The following UNC5D variants were observed in gnomAD, a reference collection of about 807,000 sequenced individuals.
UNC5D encodes the protein netrin receptor UNC5D.
A neutral mutation model predicts 105.4 loss-of-function variants in UNC5D; 39 were observed. The ratio of observed to expected loss-of-function variants is 0.37; its 90% CI spans 0.29 to 0.48. The LOEUF (loss-of-function observed/expected upper bound fraction) is 0.48. Ranked by LOEUF, UNC5D falls within the 20% of genes least tolerant of loss-of-function variation. The pLI, the probability that UNC5D is intolerant of heterozygous loss-of-function variation, is 0.98. For synonymous variants in UNC5D, 452 were observed against 450.4 expected, an observed-to-expected ratio of 1.00 and a Z score of -0.04; for missense variants, 991 against 1,202.4, an observed-to-expected ratio of 0.82 and a Z score of 2.60.
At chr8:35,477,140 A>C (rs1810159004) in intron 1 of UNC5D, among the ~76,000 whole-genome samples, 1 of 152,138 alleles carries the variant, frequency 6.6e-6, no homozygotes, top group South Asian at 2.1e-4. Context: ...TTGTGCTTTA[A>C]AGGTCATTTG....
At chr8:35,761,787 C>A (rs577253625) in intron 14 of UNC5D, among the ~76,000 whole-genome samples, 20 of 152,188 alleles carry the variant, frequency 1.3e-4, no homozygotes, top group Non-Finnish European at 2.6e-4. Flanking sequence ...TGTGTGAATG[C>A]ATATTGTGCT....
At chr8:35,789,727 T>C (rs1214541390) in intron 16 of UNC5D, among the ~76,000 whole-genome samples, 1 of 152,072 alleles carries the variant, frequency 6.6e-6, no homozygotes, top group Admixed American at 6.6e-5. Flanking sequence ...ATTTAGCATA[T>C]AAGCCCACTG....
At chr8:35,305,593 C>CTTTATTTCTTTCTTTCTTTCA (rs1381069195) in intron 1 of UNC5D, among the ~76,000 whole-genome samples, 8 of 142,014 alleles carry the variant, frequency 5.6e-5, no homozygotes, top group Admixed American at 1.4e-4. Flanking sequence ...TTCTTTCTTT[C>CTTTATTTCTTTCTTTCTTTCA]TTTCTTTCTT....
At chr8:35,439,158 C>T (rs1327980061) in intron 1 of UNC5D, among the ~76,000 whole-genome samples, 3 of 151,886 alleles carry the variant, frequency 2.0e-5, no homozygotes, top group Non-Finnish European at 4.4e-5. Flanking sequence ...CTGAAAAGTA[C>T]TTAAAATAGT....
chr8:35,336,012 A>C (rs1811008237), intron 1 of UNC5D, among the ~76,000 whole-genome samples: 1 of 152,056 alleles, frequency 6.6e-6, no homozygotes, highest in South Asian at 2.1e-4. Context: ...ATCCGCCTGC[A>C]TTAGCCTCCC....
intron 1 of UNC5D, among the ~76,000 whole-genome samples, chr8:35,482,791 A>ATTTTT (rs1399256412): frequency 6.1e-5 from 6 of 98,872 alleles, no homozygotes; most frequent in African/African-American, 1.5e-4. Flanking sequence ...CATTAAAGAG[A>ATTTTT]TCTTTTTTTT....
rs150160042 is a variant in UNC5D, at chr8:35,429,633, C to A, written c.104-119659C>A. The stretch of plus-strand genomic sequence containing the variant: ...AAGGTATAAAATAACACTTTTTTTC[C>A]ATTTTATCAATCTTATAACAGTGCA... On this transcript the variant is annotated intron_variant, in intron 1 of 16. Coordinates refer to ENST00000404895, the MANE Select transcript of UNC5D (RefSeq NM_080872.4). 2.7e-3 allele frequency among the ~76,000 whole-genome samples: 410 copies of A among 151,794 alleles called. 2 individuals carry two copies. Among genetic ancestry groups the A allele is most frequent in the African/African-American group, 9.3e-3 (384 of 41,446 alleles).
At chr8:35,750,321 C>T (rs1302169119) in intron 12 of UNC5D, among the ~76,000 whole-genome samples, 1 of 141,736 alleles carries the variant, frequency 7.1e-6, no homozygotes, top group African/African-American at 2.6e-5. Flanking sequence ...GAACTCCTGA[C>T]CTCAGGTGAT....
At chr8:35,722,180 G>T in intron 8 of UNC5D, 30 bp from the exon 9 acceptor site, 2 of 1,604,762 alleles carry the variant, frequency 1.2e-6, no homozygotes, top group Non-Finnish European at 1.7e-6. Flanking sequence ...GCCCATGCTG[G>T]TCACTTACAA....
At chr8:35,294,608 A>G (rs1483741357) in intron 1 of UNC5D, among the ~76,000 whole-genome samples, 1 of 152,082 alleles carries the variant, frequency 6.6e-6, no homozygotes, top group Non-Finnish European at 1.5e-5. Context: ...CATTTTCAAC[A>G]TGAAATAAAA....
intron 16 of UNC5D, among the ~76,000 whole-genome samples, chr8:35,775,442 C>G (rs961501863): frequency 6.6e-6 from 1 of 152,174 alleles, no homozygotes; most frequent in Admixed American, 6.5e-5. Context: ...CAGGGCAACA[C>G]TGATGGCCAG....
chr8:35,733,544 CCT>C (rs1273551283), intron 11 of UNC5D, among the ~76,000 whole-genome samples: 1 of 152,170 alleles, frequency 6.6e-6, no homozygotes, highest in African/African-American at 2.4e-5. Flanking sequence ...ACCACGGTTC[CCT>C]CTGTCTTAGT....
intron 15 of UNC5D, 93 bp from the exon 16 acceptor site, chr8:35,774,206 T>G: frequency 1.4e-6 from 2 of 1,426,812 alleles, no homozygotes; most frequent in Non-Finnish European, 1.9e-6. Context: ...ATTTTGTGCA[T>G]GTGTGTTAAC....
chr8:35,491,094 T>A (rs948438854), intron 1 of UNC5D, among the ~76,000 whole-genome samples: 19 of 152,176 alleles, frequency 1.2e-4, no homozygotes, highest in African/African-American at 4.6e-4. Flanking sequence ...GCTGCTTTAA[T>A]ATTACTTATT....
intron 3 of UNC5D, among the ~76,000 whole-genome samples, chr8:35,594,484 G>A (rs1009742208): frequency 4.6e-5 from 7 of 152,134 alleles, no homozygotes; most frequent in African/African-American, 1.7e-4. Flanking sequence ...TCAATTTGAA[G>A]AAAAATGCAT....
chr8:35,308,681 T>A (rs1306975278), intron 1 of UNC5D, among the ~76,000 whole-genome samples: 2 of 152,138 alleles, frequency 1.3e-5, no homozygotes, highest in East Asian at 1.9e-4. Context: ...GCATGGTCCA[T>A]GTTTATACTA....
At chr8:35,683,890 C>G (rs113142474) in intron 5 of UNC5D, among the ~76,000 whole-genome samples, 163 bp downstream of exon 5, 1 of 152,196 alleles carries the variant, frequency 6.6e-6, no homozygotes, top group Non-Finnish European at 1.5e-5. Context: ...AAAAACATCA[C>G]TATTTCTATT....
rs370376164 is a variant in UNC5D, at chr8:35,650,130, A to AC, written c.571-33417_571-33416insC. ...TATTGAAACTACAAAAAACAAACAA[A>AC]AAACAAAAAACAAAAAACAAAACAC... is the stretch of plus-strand genomic sequence containing the variant. On this transcript the variant is annotated intron_variant, in intron 4 of 16. Transcript: ENST00000404895. Among the ~76,000 whole-genome samples, 1,092 of 144,492 alleles carry AC rather than the reference A, an allele frequency of 7.6e-3. 22 individuals carry two copies. Among genetic ancestry groups the AC allele is most frequent in the African/African-American group, 0.026 (1,007 of 38,656 alleles). 94.8% of individuals were successfully genotyped at this position (144,492 alleles called of 152,430 possible). A position where few individuals can be genotyped will look rare whatever the true frequency, so the allele number is the denominator to read the frequency against.
At chr8:35,278,348 A>G (rs1231471131) in intron 1 of UNC5D, among the ~76,000 whole-genome samples, 2 of 152,120 alleles carry the variant, frequency 1.3e-5, no homozygotes, top group African/African-American at 4.8e-5. Context: ...TTCACATTTA[A>G]AATGTCTTCA....
Sources: gnomAD v4.1 joint callset for allele counts (sites outside exome capture counted in the v4.1 genomes callset) on GRCh38, gnomAD v4.1.1 for gene constraint, MANE v1.5 for transcripts, NCBI Gene and HGNC (gene_info 2026-07-23, HGNC 2026-07-21) for gene names.